Variants in PLPPR4 observed in about 807,000 individuals in gnomAD.
The protein encoded by PLPPR4 is phospholipid phosphatase-related protein type 4.
PLPPR4 carries 24 observed loss-of-function variants against 56.6 expected under a neutral mutation model. The ratio of observed to expected loss-of-function variants is 0.42; its 90% CI spans 0.31 to 0.60. PLPPR4 has a LOEUF of 0.60. Ranked by LOEUF, PLPPR4 falls within the 20% of genes least tolerant of loss-of-function variation. The pLI is 0.13. For synonymous variants in PLPPR4, 326 were observed against 328.1 expected (o/e 0.99, Z 0.07); for missense variants, 654 against 885.8 (o/e 0.74, Z 3.32).
chr1:99,283,876 CG>C (rs1659398997), intron 1 of PLPPR4, among the ~76,000 whole-genome samples: 1 of 152,096 alleles, frequency 6.6e-6, no homozygotes, highest in Admixed American at 6.5e-5. Context: ...CGCTTGAACT[CG>C]GGAGGTGGAG....
At chr1:99,278,901 A>T (rs1269660360) in intron 1 of PLPPR4, among the ~76,000 whole-genome samples, 1 of 152,216 alleles carries the variant, frequency 6.6e-6, no homozygotes, top group East Asian at 1.9e-4. Context: ...TCTATTAATT[A>T]TCATTGCTAT....
chr1:99,286,717 A>C (rs1299455509), intron 1 of PLPPR4, among the ~76,000 whole-genome samples: 1 of 152,210 alleles, frequency 6.6e-6, no homozygotes, highest in Non-Finnish European at 1.5e-5. Flanking sequence ...TTCGAATATT[A>C]CAGGAAAAGA....
At chr1:99,296,286 A>T (rs1467901521) in intron 2 of PLPPR4, among the ~76,000 whole-genome samples, 1 of 152,204 alleles carries the variant, frequency 6.6e-6, no homozygotes, top group East Asian at 1.9e-4. Flanking sequence ...TCAGCTACTC[A>T]TTTGCAGTAG....
chr1:99,273,440 T>C (rs1659107481), intron 1 of PLPPR4, among the ~76,000 whole-genome samples: 1 of 152,114 alleles, frequency 6.6e-6, no homozygotes, highest in Non-Finnish European at 1.5e-5. Context: ...GATGTGACTA[T>C]ATCGTTAACA....
chr1:99,303,481 A>T (rs1487953640), intron 6 of PLPPR4, among the ~76,000 whole-genome samples: 2 of 152,190 alleles, frequency 1.3e-5, no homozygotes, highest in Admixed American at 6.6e-5. Context: ...CGGTTATATA[A>T]AACTGCCAGG....
chr1:99,286,524 T>C (rs1279597048), intron 1 of PLPPR4, among the ~76,000 whole-genome samples: 3 of 151,874 alleles, frequency 2.0e-5, no homozygotes, highest in Admixed American at 2.0e-4. Context: ...ATGATAAGTG[T>C]CATGAAAAAA....
intron 6 of PLPPR4, among the ~76,000 whole-genome samples, chr1:99,304,174 T>C (rs1659957232): frequency 1.3e-5 from 2 of 152,220 alleles, no homozygotes; most frequent in Non-Finnish European, 2.9e-5. Context: ...TATAATACCA[T>C]GGTGATCCCA....
chr1:99,289,867 A>G (rs567097431), intron 2 of PLPPR4, among the ~76,000 whole-genome samples: 1 of 152,258 alleles, frequency 6.6e-6, no homozygotes, highest in East Asian at 1.9e-4. Flanking sequence ...AGCATTCCCC[A>G]TTGAAAAACA....
intron 1 of PLPPR4, among the ~76,000 whole-genome samples, chr1:99,282,026 C>A (rs1023075039): frequency 5.3e-5 from 8 of 152,156 alleles, no homozygotes; most frequent in African/African-American, 1.9e-4. Context: ...CTGCTTAAAT[C>A]ATCTTGTACC....
Position 99,307,946 on chromosome 1 carries a change from C to A in PLPPR4, c.*936C>A, listed in dbSNP as rs1660078025. ...TAGATATGTTCTCCTATTTTAAAAG[C>A]AAAAATAACAATTGACATTCCTTGA... On this transcript the variant is annotated 3_prime_UTR_variant, in exon 7 of 7. Transcript: ENST00000370185. 1 of 152,060 alleles carries A rather than the reference C, an allele frequency of 6.6e-6. No individual in the cohort carries two copies. The highest frequency in any genetic ancestry group is 1.5e-5 in the Non-Finnish European group (1 of 67,988). The allele number at this position is 152,060 out of a possible 1,614,324, so 9.4% of individuals were successfully genotyped here. A position where few individuals can be genotyped will look rare whatever the true frequency, so the allele number is the denominator to read the frequency against.
chr1:99,288,528 C>A (rs1030302634), intron 2 of PLPPR4, among the ~76,000 whole-genome samples: 1 of 151,900 alleles, frequency 6.6e-6, no homozygotes, highest in African/African-American at 2.4e-5. Context: ...AATTACATAG[C>A]CAAAAGTGCA....
In PLPPR4 at chr1:99,307,058, G is replaced by T. The variant is rs1311446454; in HGVS notation, c.*48G>T. ...GGCTACTCGCAAAAGACCATATGTT[G>T]ATTCTACCTGTGTTCTGTTCCAGCG... On this transcript the variant is annotated 3_prime_UTR_variant, in exon 7 of 7. Transcript: ENST00000370185. The T allele has an allele frequency of 3.3e-6, 5 of 1,534,648 alleles. No individual in the cohort carries two copies. The highest frequency in any genetic ancestry group is 1.9e-5 in the Admixed American group (1 of 52,184).
chr1:99,279,205 T>G (rs1027238709), intron 1 of PLPPR4, among the ~76,000 whole-genome samples: 2 of 152,146 alleles, frequency 1.3e-5, no homozygotes, highest in Non-Finnish European at 2.9e-5. Context: ...AGAGAGAATG[T>G]AAAGGAACAA....
intron 2 of PLPPR4, among the ~76,000 whole-genome samples, chr1:99,293,074 A>G (rs960531903): frequency 2.6e-5 from 4 of 152,126 alleles, no homozygotes; most frequent in Non-Finnish European, 1.5e-5. Flanking sequence ...CCGTTTGGGA[A>G]TGAGTGTCCA....
Position 99,293,629 on chromosome 1 carries a change from A to T in PLPPR4, c.265-3109A>T, listed in dbSNP as rs78181096. 3.7e-3 allele frequency among the ~76,000 whole-genome samples: 569 copies of T among 152,318 alleles called. 3 individuals carry two copies. The highest frequency in any genetic ancestry group is 0.013 in the African/African-American group (548 of 41,574). ...TAATTTTATAGAAGAATTCCATCAG[A>T]ATTTAATTCTAGCTCCTGGAATAGC... On this transcript the variant is annotated intron_variant, in intron 2 of 6. Coordinates refer to ENST00000370185, the MANE Select transcript of PLPPR4 (RefSeq NM_014839.5).
intron 6 of PLPPR4, among the ~76,000 whole-genome samples, chr1:99,303,485 T>C (rs1659939005): frequency 6.6e-6 from 1 of 152,086 alleles, no homozygotes; most frequent in Admixed American, 6.6e-5. Context: ...TATATAAAAC[T>C]GCCAGGTCAT....
In PLPPR4 at chr1:99,291,095, CAA is replaced by C. The variant is rs200903167; in HGVS notation, c.264+2955_264+2956del. ...TTGTAAGAAACTTAAACAAATTTAC[CAA>C]AAAAAAAAACAATTAAAAAGTGGGC... On this transcript the variant is annotated intron_variant, in intron 2 of 6. Coordinates refer to ENST00000370185, the MANE Select transcript of PLPPR4 (RefSeq NM_014839.5). Among the ~76,000 whole-genome samples, 1,281 of 136,684 alleles carry C rather than the reference CAA, an allele frequency of 9.4e-3. 7 individuals are homozygous for C. Among genetic ancestry groups the C allele is most frequent in the South Asian group, 0.016 (72 of 4,368 alleles). The allele number at this position is 136,684 out of a possible 152,430, so 89.7% of individuals were successfully genotyped here.
chr1:99,294,137 C>T lies in PLPPR4; in HGVS notation c.265-2601C>T, dbSNP rs144869295. Among the ~76,000 whole-genome samples, 352 of 150,268 alleles carry T rather than the reference C, an allele frequency of 2.3e-3. 1 individual carries two copies. Among genetic ancestry groups the T allele is most frequent in the African/African-American group, 8.1e-3 (331 of 40,878 alleles). The stretch of plus-strand genomic sequence containing the variant: ...GAGAAATAAGCTGGGCATTTGGAAA[C>T]GCACTGGGAAACATCTCCCTATACC... On this transcript the variant is annotated intron_variant, in intron 2 of 6. Transcript: ENST00000370185.
At position 99,307,500 on chromosome 1, in the gene PLPPR4, CAA is replaced by C. The variant is rs1440551715; in HGVS notation, c.*492_*493del. On this transcript the variant is annotated 3_prime_UTR_variant, in exon 7 of 7. Transcript: ENST00000370185. Reference sequence around the variant, plus strand: ...ATAGTACATATACCATGTAAACTCTCAAACTCTATTTAGCTGTGAAATAGTGG... The same window carrying C: ...ATAGTACATATACCATGTAAACTCTCACTCTATTTAGCTGTGAAATAGTGG... 1 of 155,398 alleles carries C rather than the reference CAA, an allele frequency of 6.4e-6. No individual in the cohort carries two copies. Among genetic ancestry groups the C allele is most frequent in the African/African-American group, 2.4e-5 (1 of 41,468 alleles). 9.6% of individuals were successfully genotyped at this position (155,398 alleles called of 1,614,324 possible).
Sources: gnomAD v4.1 joint callset for allele counts (sites outside exome capture counted in the v4.1 genomes callset) on GRCh38, gnomAD v4.1.1 for gene constraint, MANE v1.5 for transcripts, NCBI Gene and HGNC (gene_info 2026-07-23, HGNC 2026-07-21) for gene names.